The following SMURF1 variants were observed in gnomAD, a reference collection of about 807,000 sequenced individuals.
SMURF1 encodes SMAD specific E3 ubiquitin protein ligase 1.
In SMURF1, 44 loss-of-function variants were observed where a neutral mutation model predicts 98.0. The observed-to-expected ratio is 0.45, with a 90% CI of 0.35 to 0.58. The LOEUF is 0.58. SMURF1 is among the 20% of genes least tolerant of loss of function. The probability of loss-of-function intolerance (pLI) is 0.00; values close to 1 mark genes in which losing one functional copy is unlikely to be tolerated. For missense variants in SMURF1, 687 were observed against 938.4 expected (o/e 0.73, Z 3.50); for synonymous variants, 396 against 374.9 (o/e 1.06, Z -0.65).
chr7:99,040,287 A>G, intron 13 of SMURF1, 91 bp downstream of exon 13: 3 of 1,255,828 alleles, frequency 2.4e-6, no homozygotes, highest in Non-Finnish European at 3.1e-6. Context: ...CCCAAAATAC[A>G]CACACACGCG....
chr7:99,054,844 C>T lies in SMURF1; in HGVS notation c.425G>A (p.Arg142Lys). The change falls in exon 6 of 18, where the codon AGA becomes AAA. Residue 142 changes from arginine (R) to lysine (K), a missense_variant. By Grantham distance (26) the Arg-to-Lys change is conservative. Transcript: ENST00000361368. ...QIVVSLQTRD[R>K]IGTGGSVVDC... ...CACCACCGAGCCGCCGGTTCCTATT[C>T]TGTCTCGTGTCTGTAAACTGACTAA... 1 of 1,614,116 alleles carries T rather than the reference C, an allele frequency of 6.2e-7. No individual in the cohort carries two copies. The highest frequency in any genetic ancestry group is 1.1e-5 in the South Asian group (1 of 91,076).
Position 99,143,715 on chromosome 7 carries a change from G to T in SMURF1, c.55+11C>A. The T allele has an allele frequency of 1.9e-6, 3 of 1,550,992 alleles. No homozygotes were observed. The highest frequency in any genetic ancestry group is 1.9e-5 in the Admixed American group (1 of 52,748). On this transcript the variant is annotated intron_variant, in intron 1 of 17. Coordinates refer to ENST00000361368, the MANE Select transcript of SMURF1 (RefSeq NM_181349.3). ...GCGCCGGGGCGCGGGTGGGCCTCCC[G>T]CCGGCCGTACCTGTCAGACGGATCT...
chr7:99,047,505 G>GTAAT (rs1244715709), intron 10 of SMURF1, 179 bp downstream of exon 10: 1 of 640,864 alleles, frequency 1.6e-6, no homozygotes, highest in Non-Finnish European at 2.7e-6. Context: ...ACTTCCCTTA[G>GTAAT]TAATAAAATC....
At chr7:99,063,115 A>G (rs1163649310) in intron 1 of SMURF1, among the ~76,000 whole-genome samples, 6 of 146,360 alleles carry the variant, frequency 4.1e-5, no homozygotes, top group Non-Finnish European at 8.9e-5. Flanking sequence ...CATAATAGAT[A>G]TTGTTCTGCC....
intron 1 of SMURF1, among the ~76,000 whole-genome samples, chr7:99,077,964 T>G (rs1482678526): frequency 1.3e-5 from 2 of 152,322 alleles, no homozygotes; most frequent in South Asian, 2.1e-4. Context: ...CTTCGTTATC[T>G]GAAATCTTGT....
intron 1 of SMURF1, among the ~76,000 whole-genome samples, chr7:99,062,566 A>C (rs1188542707): frequency 6.6e-6 from 1 of 152,182 alleles, no homozygotes; most frequent in Non-Finnish European, 1.5e-5. Context: ...AACTTAGCAC[A>C]GGCTGGGCAT....
In SMURF1 at chr7:99,143,954, G is replaced by T; in HGVS notation, c.-174C>A. ...CGGGCGGCAGGCGGATGGTCGAGCCGGGAGATCGGCGCTTGCTGCGGCGCT... is the reference window on the plus strand; with the variant it reads ...CGGGCGGCAGGCGGATGGTCGAGCCTGGAGATCGGCGCTTGCTGCGGCGCT... On this transcript the variant is annotated 5_prime_UTR_variant, in exon 1 of 18. Transcript: ENST00000361368. 2.2e-6 allele frequency: 1 copy of T among 463,000 alleles called. No individual in the cohort carries two copies. The highest frequency in any genetic ancestry group is 2.1e-5 in the African/African-American group (1 of 47,754). 28.7% of individuals were successfully genotyped at this position (463,000 alleles called of 1,614,324 possible). A position where few individuals can be genotyped will look rare whatever the true frequency, so the allele number is the denominator to read the frequency against.
Position 99,073,466 on chromosome 7 carries a change from T to TAA in SMURF1, c.56-11631_56-11630dup, listed in dbSNP as rs11429233. Among the ~76,000 whole-genome samples the TAA allele has an allele frequency of 1.0e-3, 142 of 141,710 alleles. 1 individual carries two copies. The highest frequency in any genetic ancestry group is 1.6e-3 in the African/African-American group (59 of 37,746). The allele number at this position is 141,710 out of a possible 152,430, so 93.0% of individuals were successfully genotyped here. ...TAGATTCATAAGATCATTTAAAACT[T>TAA]AAAAAAAAAAAAAATCAACCAGACA... is the stretch of plus-strand genomic sequence containing the variant. On this transcript the variant is annotated intron_variant, in intron 1 of 17. Coordinates refer to ENST00000361368, the MANE Select transcript of SMURF1 (RefSeq NM_181349.3).
intron 1 of SMURF1, among the ~76,000 whole-genome samples, chr7:99,124,573 T>C (rs962142321): frequency 6.6e-6 from 1 of 152,038 alleles, no homozygotes; most frequent in African/African-American, 2.4e-5. Flanking sequence ...CTGTGCACTT[T>C]AGGTTTGACC....
chr7:99,046,466 G>A (rs992954139), intron 10 of SMURF1, among the ~76,000 whole-genome samples: 19 of 152,130 alleles, frequency 1.2e-4, no homozygotes, highest in South Asian at 2.1e-4. Context: ...CGGTGGCTCC[G>A]CCTGTAATCC....
chr7:99,048,859 G>A (rs1021575285), intron 9 of SMURF1: 2 of 152,302 alleles, frequency 1.3e-5, no homozygotes, highest in Non-Finnish European at 2.9e-5. Context: ...GGGAGGCCAA[G>A]GCAGGCGGAT....
At chr7:99,059,417 TAAAATAA>T (rs1563010606) in intron 3 of SMURF1, among the ~76,000 whole-genome samples, 1 of 36,666 alleles carries the variant, frequency 2.7e-5, no homozygotes, top group Non-Finnish European at 5.6e-5. Context: ...TAAAATAAAA[TAAAATAA>T]AATAAAATAA....
intron 1 of SMURF1, among the ~76,000 whole-genome samples, chr7:99,134,100 T>A (rs1349219140): frequency 8.4e-5 from 11 of 130,986 alleles, no homozygotes; most frequent in Admixed American, 2.2e-4. Context: ...CCACCCACTT[T>A]TTTTTTTTTT....
intron 1 of SMURF1, among the ~76,000 whole-genome samples, chr7:99,098,616 A>G (rs1797004080): frequency 1.3e-5 from 2 of 152,152 alleles, no homozygotes; most frequent in African/African-American, 4.8e-5. Context: ...TTGACAAAGA[A>G]CAGCAGCATA....
At chr7:99,040,933 AG>A (rs1480590587) in intron 12 of SMURF1, among the ~76,000 whole-genome samples, 1 of 152,166 alleles carries the variant, frequency 6.6e-6, no homozygotes, top group African/African-American at 2.4e-5. Flanking sequence ...CCAGGAAGCC[AG>A]CCCTGTGCTT....
intron 1 of SMURF1, among the ~76,000 whole-genome samples, chr7:99,135,901 C>A (rs1284283733): frequency 6.6e-6 from 1 of 152,196 alleles, no homozygotes; most frequent in African/African-American, 2.4e-5. Context: ...TGTCTCATCA[C>A]AGAAGATTTT....
chr7:99,126,715 C>G (rs563427600), intron 1 of SMURF1, among the ~76,000 whole-genome samples: 1 of 152,056 alleles, frequency 6.6e-6, no homozygotes, highest in Non-Finnish European at 1.5e-5. Flanking sequence ...CAGATATTTG[C>G]GTGGCAACAC....
At chr7:99,114,630 C>T (rs982828488) in intron 1 of SMURF1, among the ~76,000 whole-genome samples, 2 of 152,098 alleles carry the variant, frequency 1.3e-5, no homozygotes, top group South Asian at 2.1e-4. Context: ...AAACAGAAGA[C>T]TTAAAAAATA....
At chr7:99,087,466 A>T (rs1285722410) in intron 1 of SMURF1, among the ~76,000 whole-genome samples, 1 of 152,248 alleles carries the variant, frequency 6.6e-6, no homozygotes. Context: ...TCTTAGCATT[A>T]TCTTACTAGA....
Sources: allele counts gnomAD v4.1 joint callset (sites outside exome capture counted in the v4.1 genomes callset), GRCh38; gene constraint gnomAD v4.1.1; transcripts MANE v1.5; gene names NCBI Gene and HGNC (gene_info 2026-07-23, HGNC 2026-07-21).